A3GALT2: variants seen among roughly 807,000 people sequenced by gnomAD.
A3GALT2 encodes the protein alpha 1,3-galactosyltransferase 2, also known as alpha-1,3-galactosyltransferase 2.
In A3GALT2, 14 loss-of-function variants were observed where a neutral mutation model predicts 16.6. That is an observed-to-expected ratio of 0.84 (90% CI 0.56 to 1.32). The LOEUF is 1.32. Among genes scored for constraint, A3GALT2 ranks in the 40% most tolerant of loss-of-function variants. The pLI is 0.00. For synonymous variants in A3GALT2, 253 were observed against 218.0 expected, an observed-to-expected ratio of 1.16 and a Z score of -1.42; for missense variants, 600 against 490.9, an observed-to-expected ratio of 1.22 and a Z score of -2.10.
chr1:33,312,362 G>A, intron 3 of A3GALT2, 139 bp downstream of exon 3: 1 of 1,265,058 alleles, frequency 7.9e-7, no homozygotes, highest in East Asian at 2.4e-5. Flanking sequence ...GGAGATGTGT[G>A]GCCCGATGGG....
In A3GALT2 at chr1:33,307,081, G is replaced by A. The variant is rs1646197549; in HGVS notation, c.708C>T (p.Arg236=). 9.9e-6 allele frequency: 15 copies of A among 1,520,912 alleles called. No individual in the cohort carries two copies. The highest frequency in any genetic ancestry group is 1.3e-5 in the Non-Finnish European group (15 of 1,136,778). The allele number at this position is 1,520,912 out of a possible 1,614,324, so 94.2% of individuals were successfully genotyped here. A position where few individuals can be genotyped will look rare whatever the true frequency, so the allele number is the denominator to read the frequency against. ...CCATCGCGGCGGCCGAATGCGCGTC[G>A]CGTTCGAAGGGCAGCAGCCACGACG... The part of the protein sequence containing the change: ...HWPSWLLPFE[R]DAHSAAAMAW... Residue 236 remains arginine (R), a synonymous_variant, in exon 5 of 5, where the codon CGC becomes CGT. Transcript: ENST00000442999.
At chr1:33,319,596 T>A (rs1277662614) in intron 1 of A3GALT2, among the ~76,000 whole-genome samples, 1 of 151,926 alleles carries the variant, frequency 6.6e-6, no homozygotes, top group Non-Finnish European at 1.5e-5. Context: ...CTGCCCAGAG[T>A]CCTATAGGCC....
At chr1:33,308,767 T>TTTG in intron 4 of A3GALT2, among the ~76,000 whole-genome samples, 3 of 122,012 alleles carry the variant, frequency 2.5e-5, no homozygotes, top group African/African-American at 1.1e-4. Flanking sequence ...TTTTTTTTTT[T>TTTG]TTTTTTTTTT....
At chr1:33,308,450 G>C (rs1440225556) in intron 4 of A3GALT2, among the ~76,000 whole-genome samples, 2 of 152,148 alleles carry the variant, frequency 1.3e-5, no homozygotes, top group Non-Finnish European at 2.9e-5. Flanking sequence ...CTGTGGCCCA[G>C]GCTGGAGTAC....
chr1:33,315,006 G>A (rs957536872), intron 1 of A3GALT2, among the ~76,000 whole-genome samples: 12 of 152,094 alleles, frequency 7.9e-5, no homozygotes, highest in Non-Finnish European at 1.5e-4. Context: ...CAGTGTTTTC[G>A]GAGGTCAAGG....
At chr1:33,317,146 A>G (rs1207768246) in intron 1 of A3GALT2, among the ~76,000 whole-genome samples, 1 of 152,114 alleles carries the variant, frequency 6.6e-6, no homozygotes, top group African/African-American at 2.4e-5. Flanking sequence ...CCTCAAATAT[A>G]ACTGAAGAAG....
rs766854285 is a variant in A3GALT2, at chr1:33,307,075, C to A, written c.714G>T (p.Ala238=). 6.5e-5 allele frequency: 98 copies of A among 1,519,052 alleles called. No individual in the cohort carries two copies. The highest frequency in any genetic ancestry group is 1.7e-4 in the Middle Eastern group (1 of 5,928). The allele number at this position is 1,519,052 out of a possible 1,614,324, so 94.1% of individuals were successfully genotyped here. The change falls in exon 5 of 5, where the codon GCG becomes GCT. Residue 238 remains alanine (A), a synonymous_variant. Transcript: ENST00000442999. ...CCCACGCCATCGCGGCGGCCGAATG[C>A]GCGTCGCGTTCGAAGGGCAGCAGCC... ...PSWLLPFERD[A]HSAAAMAWGQ...
intron 1 of A3GALT2, among the ~76,000 whole-genome samples, chr1:33,316,962 C>T (rs969292949): frequency 1.3e-5 from 2 of 151,950 alleles, no homozygotes; most frequent in African/African-American, 4.8e-5. Flanking sequence ...TTCCAGAAGT[C>T]GGGCTGTAAG....
At chr1:33,309,048 G>A (rs1646218824) in intron 4 of A3GALT2, among the ~76,000 whole-genome samples, 1 of 151,594 alleles carries the variant, frequency 6.6e-6, no homozygotes, top group African/African-American at 2.4e-5. Flanking sequence ...AACCCTGAGT[G>A]GACACAGCAC....
At chr1:33,310,590 G>A (rs889378329) in intron 4 of A3GALT2, among the ~76,000 whole-genome samples, 4 of 152,192 alleles carry the variant, frequency 2.6e-5, no homozygotes, top group African/African-American at 9.7e-5. Context: ...TCTAAAGAGC[G>A]TTAGAAACTT....
At chr1:33,314,343 G>T (rs912700754) in intron 1 of A3GALT2, 1 of 152,216 alleles carries the variant, frequency 6.6e-6, no homozygotes, top group Admixed American at 6.6e-5. Context: ...GATTACAGGC[G>T]TGAGCCACCG....
In A3GALT2 at chr1:33,306,933, C is replaced by G; in HGVS notation, c.856G>C (p.Ala286Pro). Residue 286 changes from alanine (A) to proline (P), a missense_variant, in exon 5 of 5, where the codon GCG (alanine) becomes CCG (proline). Coordinates refer to ENST00000442999, the MANE Select transcript of A3GALT2 (RefSeq NM_001080438.1). ...AGGTGGCTCTCGTCGTGCCAGCGCG[C>G]CTCCAGGCCGCGCGCGCGGTCCCAG... is the stretch of plus-strand genomic sequence containing the variant. ...LDWDRARGLE[A>P]RWHDESHLNK... 1 of 1,514,992 alleles carries G rather than the reference C, an allele frequency of 6.6e-7. No homozygotes were observed. Among genetic ancestry groups the G allele is most frequent in the Non-Finnish European group, 8.8e-7 (1 of 1,137,936 alleles). The allele number at this position is 1,514,992 out of a possible 1,614,324, so 93.8% of individuals were successfully genotyped here.
At chr1:33,313,339 ATTTT>A (rs373102950) in intron 1 of A3GALT2, 2 of 129,848 alleles carry the variant, frequency 1.5e-5, no homozygotes, top group Non-Finnish European at 3.3e-5. Flanking sequence ...CTAATTTTGT[ATTTT>A]TTTTTTTTTT....
chr1:33,317,140 A>G (rs1646265489), intron 1 of A3GALT2, among the ~76,000 whole-genome samples: 1 of 152,138 alleles, frequency 6.6e-6, no homozygotes, highest in Non-Finnish European at 1.5e-5. Context: ...TCAGCTCCTC[A>G]AATATAACTG....
chr1:33,308,750 G>GTTGTTTTTTTTT (rs1646216251), intron 4 of A3GALT2, among the ~76,000 whole-genome samples: 25 of 46,126 alleles, frequency 5.4e-4, no homozygotes, highest in Non-Finnish European at 8.0e-4. Context: ...TGTCAAAGTT[G>GTTGTTTTTTTTT]TTTTTTTTTT....
Position 33,311,922 on chromosome 1 carries a change from G to A in A3GALT2, c.335+130C>T, listed in dbSNP as rs886407661. ...CATCTGGGGGTGTGGGGCAAGAAGT[G>A]TTGTCTTTGCTTCTCGCTTCACTTT... On this transcript the variant is annotated intron_variant, in intron 4 of 4. Coordinates refer to ENST00000442999, the MANE Select transcript of A3GALT2 (RefSeq NM_001080438.1). 1.9e-5 allele frequency: 25 copies of A among 1,331,962 alleles called. No homozygotes were observed. In the African/African-American group the frequency reaches 3.5e-4, roughly 19 times the overall value. The allele number at this position is 1,331,962 out of a possible 1,614,324, so 82.5% of individuals were successfully genotyped here.
chr1:33,318,081 C>T (rs1219261615), intron 1 of A3GALT2, among the ~76,000 whole-genome samples: 1 of 152,176 alleles, frequency 6.6e-6, no homozygotes, highest in African/African-American at 2.4e-5. Context: ...AGAGGCAGAC[C>T]TTGCTTCTGG....
At position 33,312,012 on chromosome 1, in the gene A3GALT2, TCA is replaced by T. The variant is rs747440773; in HGVS notation, c.335+38_335+39del. 12 of 1,611,592 alleles carry T rather than the reference TCA, an allele frequency of 7.4e-6. No homozygotes were observed. The Admixed American group carries it at 2.0e-4, about 27-fold the overall frequency. On this transcript the variant is annotated intron_variant, in intron 4 of 4. Transcript: ENST00000442999. ...TTCATCACATGCACACCCCTCCCAC[TCA>T]CAGCTTTGACAGCACTGCTCCCCTT...
intron 4 of A3GALT2, among the ~76,000 whole-genome samples, chr1:33,309,355 G>GC (rs531937639): frequency 3.1e-4 from 46 of 148,052 alleles, no homozygotes; most frequent in Non-Finnish European, 3.6e-4. Flanking sequence ...GGGCAGAGGC[G>GC]CCCCCCCACC....
Sources: gnomAD v4.1 joint callset for allele counts (sites outside exome capture counted in the v4.1 genomes callset) on GRCh38, gnomAD v4.1.1 for gene constraint, MANE v1.5 for transcripts, NCBI Gene and HGNC (gene_info 2026-07-23, HGNC 2026-07-21) for gene names.